The following FGF10 variants were observed in gnomAD, a reference collection of about 807,000 sequenced individuals.
FGF10 encodes the protein fibroblast growth factor 10, also known as FGF-10.
In FGF10, 2 loss-of-function variants were observed where a neutral mutation model predicts 19.8. The ratio of observed to expected loss-of-function variants is 0.10; its 90% CI spans 0.04 to 0.32. The LOEUF is 0.32. Ranked by LOEUF, FGF10 falls within the 10% of genes least tolerant of loss-of-function variation. FGF10 has a pLI of 1.00. For synonymous variants in FGF10, 112 were observed against 94.0 expected, an observed-to-expected ratio of 1.19 and a Z score of -1.10; for missense variants, 191 against 246.3, an observed-to-expected ratio of 0.78 and a Z score of 1.50.
chr5:44,379,124 G>A (rs142870539), intron 1 of FGF10, among the ~76,000 whole-genome samples: 226 of 152,276 alleles, frequency 1.5e-3, no homozygotes, highest in African/African-American at 5.2e-3. Context: ...TTCTCTAGCA[G>A]TGCTCTTTGG....
intron 1 of FGF10, among the ~76,000 whole-genome samples, chr5:44,340,982 T>C (rs1307828869): frequency 6.6e-6 from 1 of 151,866 alleles, no homozygotes; most frequent in Non-Finnish European, 1.5e-5. Context: ...AAGTTAAGGA[T>C]TGGTTTACAT....
chr5:44,349,448 AT>A (rs1741175377), intron 1 of FGF10, among the ~76,000 whole-genome samples: 1 of 11,892 alleles, frequency 8.4e-5, no homozygotes. Flanking sequence ...ATATATATAT[AT>A]ATATATATAT....
intron 1 of FGF10, among the ~76,000 whole-genome samples, chr5:44,335,370 T>C (rs1045729969): frequency 1.3e-5 from 2 of 152,084 alleles, no homozygotes; most frequent in African/African-American, 4.8e-5. Flanking sequence ...GGCTGTATTT[T>C]CCATTCTATT....
rs1288580064 is a variant in FGF10 at position 44,388,992 on chromosome 5, T to TC, written c.-311dup. Reference sequence around the variant, plus strand: ...GGTGTTGGTCACCAGCGCTCTTCGCTCCCCCAGGAGTTACTTTGTTCTCTT... The same window carrying TC: ...GGTGTTGGTCACCAGCGCTCTTCGCTCCCCCCAGGAGTTACTTTGTTCTCTT... On this transcript the variant is annotated 5_prime_UTR_variant, in exon 1 of 3. Transcript: ENST00000264664. 5.3e-5 allele frequency: 27 copies of TC among 510,678 alleles called. 1 individual carries two copies. Among genetic ancestry groups the TC allele is most frequent in the Non-Finnish European group, 7.5e-5 (21 of 280,164 alleles). The allele number at this position is 510,678 out of a possible 1,614,324, so 31.6% of individuals were successfully genotyped here.
rs1047678935 is a variant in FGF10, at chr5:44,302,681, G to A, written c.*2314C>T. Among the ~76,000 whole-genome samples, 1 of 152,114 alleles carries A rather than the reference G, an allele frequency of 6.6e-6. No homozygotes were observed. The highest frequency in any genetic ancestry group is 1.5e-5 in the Non-Finnish European group (1 of 68,000). On this transcript the variant is annotated 3_prime_UTR_variant, in exon 3 of 3. Transcript: ENST00000264664. Reference sequence around the variant, plus strand: ...CACCAGGCAGGTTTTTTGTCTTTCTGTGAGGGAAATGTGGGAGAGACAGGG... The same window carrying A: ...CACCAGGCAGGTTTTTTGTCTTTCTATGAGGGAAATGTGGGAGAGACAGGG...
chr5:44,381,959 C>A (rs2973643), intron 1 of FGF10, among the ~76,000 whole-genome samples: 150,080 of 152,262 alleles, frequency 0.99, 74,011 homozygotes, highest in Non-Finnish European at 1. Flanking sequence ...TAGATGATTC[C>A]TTAAGAGCTC....
intron 1 of FGF10, among the ~76,000 whole-genome samples, chr5:44,348,518 A>C (rs1313481095): frequency 2.0e-5 from 3 of 151,522 alleles, no homozygotes; most frequent in Non-Finnish European, 4.4e-5. Flanking sequence ...GTTGTAAAGA[A>C]AGTTCAGTGC....
At chr5:44,324,589 A>G (rs957358112) in intron 1 of FGF10, among the ~76,000 whole-genome samples, 4 of 152,176 alleles carry the variant, frequency 2.6e-5, no homozygotes, top group Non-Finnish European at 4.4e-5. Flanking sequence ...AGGACTTTAA[A>G]TTGATTTTCT....
intron 1 of FGF10, among the ~76,000 whole-genome samples, chr5:44,347,023 G>T (rs1439448295): frequency 6.6e-6 from 1 of 151,636 alleles, no homozygotes; most frequent in Non-Finnish European, 1.5e-5. Flanking sequence ...GTTCTCTACA[G>T]CATAATCACC....
intron 1 of FGF10, among the ~76,000 whole-genome samples, chr5:44,368,418 A>C (rs996013657): frequency 2.6e-5 from 4 of 152,072 alleles, no homozygotes; most frequent in Admixed American, 2.6e-4. Context: ...AAATAATTTC[A>C]AACCTCCACA....
intron 1 of FGF10, among the ~76,000 whole-genome samples, chr5:44,378,439 A>T (rs1468153443): frequency 6.6e-6 from 1 of 152,098 alleles, no homozygotes; most frequent in Non-Finnish European, 1.5e-5. Flanking sequence ...AATTTCAGGT[A>T]GTTCTATTTT....
At position 44,388,379 on chromosome 5, in the gene FGF10, T is replaced by C; in HGVS notation, c.304A>G (p.Lys102Glu). Reference protein sequence around the residue: ...IEKNGKVSGTKKENCPYSILE... With the variant: ...IEKNGKVSGTEKENCPYSILE... ...TTACTGTACGGGCAGTTCTCCTTCT[T>C]GGTCCCGCTGACCTTCCCGTTCTTC... The change falls in exon 1 of 3, where the codon AAG becomes GAG. Residue 102 changes from lysine to glutamate, a missense_variant. Physicochemically the swap from Lys to Glu is moderately conservative, Grantham distance 56 (BLOSUM62 1). Coordinates refer to ENST00000264664, the MANE Select transcript of FGF10 (RefSeq NM_004465.2). 6.2e-7 allele frequency: 1 copy of C among 1,613,598 alleles called. No homozygotes were observed. The highest frequency in any genetic ancestry group is 8.5e-7 in the Non-Finnish European group (1 of 1,180,034).
intron 1 of FGF10, among the ~76,000 whole-genome samples, chr5:44,316,363 G>A (rs551448079): frequency 1.3e-5 from 2 of 152,172 alleles, no homozygotes; most frequent in Admixed American, 1.3e-4. Flanking sequence ...TTTACTGTGT[G>A]CTCAATCAGA....
rs773315020 is a variant in FGF10, at chr5:44,388,425, G to C, written c.258C>G (p.Thr86=). The change falls in exon 1 of 3, where the codon ACC becomes ACG. Residue 86 remains threonine, a synonymous_variant. Coordinates refer to ENST00000264664, the MANE Select transcript of FGF10 (RefSeq NM_004465.2). ...TCTTCTCAATCTTGAGAAAGTACTTGGTGAAAGAGAATAGCTTTCTCCAGC... is the reference window on the plus strand; with the variant it reads ...TCTTCTCAATCTTGAGAAAGTACTTCGTGAAAGAGAATAGCTTTCTCCAGC... ...DVRWRKLFSF[T]KYFLKIEKNG... is the part of the protein sequence containing the mutation. 1.1e-5 allele frequency: 17 copies of C among 1,613,802 alleles called. No homozygotes were observed. The highest frequency in any genetic ancestry group is 1.4e-5 in the Non-Finnish European group (17 of 1,180,042).
intron 1 of FGF10, among the ~76,000 whole-genome samples, chr5:44,338,271 G>A (rs1374433501): frequency 1.3e-5 from 2 of 152,120 alleles, no homozygotes; most frequent in Admixed American, 6.6e-5. Flanking sequence ...TCTGTGTGAT[G>A]ACATTATTGG....
At chr5:44,377,769 T>A (rs1300629824) in intron 1 of FGF10, among the ~76,000 whole-genome samples, 1 of 152,242 alleles carries the variant, frequency 6.6e-6, no homozygotes, top group East Asian at 1.9e-4. Flanking sequence ...ATGTGATATC[T>A]TGGGGATGGG....
rs1742171703 is a variant in FGF10, at chr5:44,388,735, A to C, written c.-53T>G. 1 of 1,587,718 alleles carries C rather than the reference A, an allele frequency of 6.3e-7. No individual in the cohort carries two copies. Among genetic ancestry groups the C allele is most frequent in the African/African-American group, 1.3e-5 (1 of 74,402 alleles). On this transcript the variant is annotated 5_prime_UTR_variant, in exon 1 of 3. Coordinates refer to ENST00000264664, the MANE Select transcript of FGF10 (RefSeq NM_004465.2). ...TGTCTCATCAGAAGGAACATACTGG[A>C]AGGGTAAGACCCGATGCAAGGCAAG...
chr5:44,346,002 C>T (rs1258673614), intron 1 of FGF10, among the ~76,000 whole-genome samples: 2 of 151,786 alleles, frequency 1.3e-5, no homozygotes, highest in Non-Finnish European at 2.9e-5. Context: ...CAGCCTTGAC[C>T]TATTCTCTAA....
intron 1 of FGF10, among the ~76,000 whole-genome samples, chr5:44,365,365 A>AAAG (rs386403712): frequency 5.3e-5 from 8 of 151,200 alleles, no homozygotes; most frequent in South Asian, 4.2e-4. Context: ...AAAAAAAAAA[A>AAAG]AGAGAGAGGT....
Sources: allele counts gnomAD v4.1 joint callset (sites outside exome capture counted in the v4.1 genomes callset), GRCh38; gene constraint gnomAD v4.1.1; transcripts MANE v1.5; gene names NCBI Gene and HGNC (gene_info 2026-07-23, HGNC 2026-07-21).